ACAP3: variants seen among roughly 807,000 people sequenced by gnomAD.
The protein encoded by ACAP3 is ArfGAP with coiled-coil, ankyrin repeat and PH domains 3.
Under a neutral mutation model 104.1 loss-of-function variants are expected in ACAP3, and 56 were observed. The observed-to-expected ratio is 0.54, with a 90% confidence interval of 0.43 to 0.67. ACAP3 has a LOEUF of 0.67. ACAP3 is among the 30% of genes least tolerant of loss of function. The probability of loss-of-function intolerance (pLI) is 0.00; values close to 1 mark genes in which losing one functional copy is unlikely to be tolerated. For missense variants in ACAP3, 1,208 were observed against 1,174.9 expected (o/e 1.03, Z -0.41); for synonymous variants, 628 against 496.2 (o/e 1.27, Z -3.53).
At position 1,295,472 on chromosome 1, in the gene ACAP3, T is replaced by C; in HGVS notation, c.1788A>G (p.Ala596=). Reference sequence around the variant, plus strand: ...TGCGAGGGCCAGCCCCTGCGGCCCCTGCGTCGAAGTAGGAGAAGAGCGAGT... The same window carrying C: ...TGCGAGGGCCAGCCCCTGCGGCCCCCGCGTCGAAGTAGGAGAAGAGCGAGT... ...ELDSLFSYFD[A]GAAGAGPRSL... The change falls in exon 19 of 24, where the codon GCA becomes GCG. Residue 596 remains alanine (A), a synonymous_variant. Coordinates refer to ENST00000354700, the MANE Select transcript of ACAP3 (RefSeq NM_030649.3). The C allele has an allele frequency of 6.2e-7, 1 of 1,612,492 alleles. No homozygotes were observed. The highest frequency in any genetic ancestry group is 8.5e-7 in the Non-Finnish European group (1 of 1,179,860).
At chr1:1,299,244 T>C in intron 10 of ACAP3, 101 bp downstream of exon 10, 1 of 1,428,482 alleles carries the variant, frequency 7.0e-7, no homozygotes, top group South Asian at 1.2e-5. Context: ...TGGTGGGAGG[T>C]GTCCTTGGTG....
In ACAP3 at chr1:1,293,689, C is replaced by T. The variant is rs1358013103; in HGVS notation, c.2380G>A (p.Ala794Thr). The T allele has an allele frequency of 7.1e-7, 1 of 1,414,378 alleles. No individual in the cohort carries two copies. The allele number at this position is 1,414,378 out of a possible 1,614,324, so 87.6% of individuals were successfully genotyped here. A position where few individuals can be genotyped will look rare whatever the true frequency, so the allele number is the denominator to read the frequency against. ...IVTLLRLARM[A>T]EEMREAEAAP... ...GCCTCGGCCTCGCGCATTTCCTCCG[C>T]CATGCGCGCCAGACGGAGCCTACGG... The change falls in exon 24 of 24, where the codon GCG becomes ACG. Residue 794 changes from alanine to threonine, a missense_variant. Ala to Thr is a moderately conservative substitution (Grantham distance 58). Coordinates refer to ENST00000354700, the MANE Select transcript of ACAP3 (RefSeq NM_030649.3).
Position 1,293,910 on chromosome 1 carries a change from C to T in ACAP3, c.2273G>A (p.Arg758Gln). ...GTCCAGGGCGTGCTGGTCCGCGCCC[C>T]GCTTCAGGAACAGGCAAACCTGGCT... is the stretch of plus-strand genomic sequence containing the variant. Reference protein sequence around the residue: ...RTGQVCLFLKRGADQHALDQE... With the variant: ...RTGQVCLFLKQGADQHALDQE... The change falls in exon 23 of 24, where the codon CGG becomes CAG. Residue 758 changes from arginine (R) to glutamine (Q), a missense_variant. By Grantham distance (43) the Arg-to-Gln change is conservative. Transcript: ENST00000354700. The T allele has an allele frequency of 6.3e-7, 1 of 1,578,932 alleles. No homozygotes were observed.
intron 5 of ACAP3, among the ~76,000 whole-genome samples, chr1:1,301,258 CTTTT>C (rs869238177): frequency 2.8e-5 from 3 of 105,422 alleles, no homozygotes; most frequent in Non-Finnish European, 5.7e-5. Context: ...TTGGGGGTGT[CTTTT>C]TTTTTTTTTT....
chr1:1,298,196 G>C, intron 12 of ACAP3, 83 bp from the exon 13 acceptor site: 1 of 1,561,932 alleles, frequency 6.4e-7, no homozygotes, highest in Non-Finnish European at 8.7e-7. Flanking sequence ...TTGGAGACCC[G>C]GAGGCCGACT....
rs926084579 is a variant in ACAP3, at chr1:1,300,311, G to A, written c.523-109C>T. 2.3e-5 allele frequency: 31 copies of A among 1,375,884 alleles called. 2 individuals are homozygous for A. The South Asian group carries it at 4.0e-4, about 18-fold the overall frequency. 85.2% of individuals were successfully genotyped at this position (1,375,884 alleles called of 1,614,324 possible). On this transcript the variant is annotated intron_variant, in intron 6 of 23. Transcript: ENST00000354700. The stretch of plus-strand genomic sequence containing the variant: ...GCTTGTGGTTCCCTGAGACCCCCAG[G>A]TCGTCTTCAGCTCCCAGCTCTGGGC...
Position 1,298,005 on chromosome 1 carries a change from C to T in ACAP3, c.1016+8G>A. 6.2e-7 allele frequency: 1 copy of T among 1,611,836 alleles called. No homozygotes were observed. The highest frequency in any genetic ancestry group is 8.5e-7 in the Non-Finnish European group (1 of 1,179,538). ...CCCCCCGCCCCACCCTGGGCTGGGC[C>T]TCCTCACTTGGTGGGTGACAGCACC... On this transcript the variant is annotated splice_region_variant and intron_variant, in intron 13 of 23. Transcript: ENST00000354700.
chr1:1,306,813 G>A (rs899183460), intron 1 of ACAP3, among the ~76,000 whole-genome samples: 1 of 152,222 alleles, frequency 6.6e-6, no homozygotes, highest in African/African-American at 2.4e-5. Flanking sequence ...GATGGAACAC[G>A]CGTGTACAAG....
chr1:1,298,326 G>T, intron 12 of ACAP3, 44 bp downstream of exon 12: 1 of 1,604,974 alleles, frequency 6.2e-7, no homozygotes, highest in South Asian at 1.1e-5. Flanking sequence ...GGCCCAGGTG[G>T]GGCGTCCAGC....
At position 1,293,900 on chromosome 1, in the gene ACAP3, G is replaced by T; in HGVS notation, c.2283C>A (p.Asp761Glu). The T allele has an allele frequency of 4.4e-6, 7 of 1,582,430 alleles. No individual in the cohort carries two copies. Among genetic ancestry groups the T allele is most frequent in the Non-Finnish European group, 6.0e-6 (7 of 1,166,896 alleles). Reference protein sequence around the residue: ...QVCLFLKRGADQHALDQEQRD... With the variant: ...QVCLFLKRGAEQHALDQEQRD... ...GCTGCTCTTGGTCCAGGGCGTGCTGGTCCGCGCCCCGCTTCAGGAACAGGC... is the reference window on the plus strand; with the variant it reads ...GCTGCTCTTGGTCCAGGGCGTGCTGTTCCGCGCCCCGCTTCAGGAACAGGC... Residue 761 changes from aspartate to glutamate, a missense_variant, in exon 23 of 24, where the codon GAC becomes GAA. Asp to Glu is a conservative substitution (Grantham distance 45). Transcript: ENST00000354700.
Position 1,298,298 on chromosome 1 carries a change from C to A in ACAP3, c.915+72G>T, listed in dbSNP as rs912490674. On this transcript the variant is annotated intron_variant, in intron 12 of 23. Transcript: ENST00000354700. ...TGCCCCGGCCCTGTGCTAACCCCAA[C>A]TGACCAGTCTGCCCTGTGGCCCAGG... The A allele has an allele frequency of 1.2e-5, 19 of 1,600,356 alleles. 1 individual carries two copies. Among genetic ancestry groups the A allele is most frequent in the Middle Eastern group, 1.7e-4 (1 of 6,020 alleles).
In ACAP3 at chr1:1,300,625, G is replaced by A; in HGVS notation, c.406C>T (p.Leu136=). Residue 136 remains leucine (L), a synonymous_variant, in exon 6 of 24, where the codon CTG becomes TTG. Coordinates refer to ENST00000354700, the MANE Select transcript of ACAP3 (RefSeq NM_030649.3). The part of the protein sequence containing the change: ...DKVREDLELS[L]VRNAQAPRHR... ...CTCGGGGCCTGGGCGTTCCTCACCA[G>A]GGACAGCTCCAGGTCCTCCCGCACC... 1 of 1,609,362 alleles carries A rather than the reference G, an allele frequency of 6.2e-7. No homozygotes were observed. The highest frequency in any genetic ancestry group is 8.5e-7 in the Non-Finnish European group (1 of 1,179,052).
intron 11 of ACAP3, 58 bp downstream of exon 11, chr1:1,298,509 G>T: frequency 1.3e-4 from 33 of 257,522 alleles, no homozygotes; most frequent in Non-Finnish European, 2.2e-4. Flanking sequence ...CCCCACCCCC[G>T]CCTGAGGACC....
Position 1,293,574 on chromosome 1 carries a change from T to G in ACAP3, c.2495A>C (p.Glu832Ala). 6.7e-7 allele frequency: 1 copy of G among 1,486,454 alleles called. No homozygotes were observed. Among genetic ancestry groups the G allele is most frequent in the East Asian group, 2.9e-5 (1 of 34,746 alleles). The allele number at this position is 1,486,454 out of a possible 1,614,324, so 92.1% of individuals were successfully genotyped here. ...CCGGCCTGCCCGGCCCTAGCTCTCT[T>G]CCAGGTGGAGGCTGATGAACTCCTG... ...CIQEFISLHL[E>A]ES The change falls in exon 24 of 24, where the codon GAA becomes GCA. Residue 832 changes from glutamate to alanine, a missense_variant. By Grantham distance (107) the Glu-to-Ala change is moderately radical. Transcript: ENST00000354700.
chr1:1,306,047 G>C (rs1188086649), intron 1 of ACAP3: 1 of 152,338 alleles, frequency 6.6e-6, no homozygotes, highest in African/African-American at 2.4e-5. Context: ...TCGAACCCCA[G>C]TTAAATCACA....
chr1:1,300,635 C>T lies in ACAP3; in HGVS notation c.396G>A (p.Leu132=). 2 of 1,609,538 alleles carry T rather than the reference C, an allele frequency of 1.2e-6. No homozygotes were observed. Among genetic ancestry groups the T allele is most frequent in the South Asian group, 1.1e-5 (1 of 90,404 alleles). The change falls in exon 6 of 24, where the codon CTG becomes CTA. Residue 132 remains leucine, a synonymous_variant. Coordinates refer to ENST00000354700, the MANE Select transcript of ACAP3 (RefSeq NM_030649.3). Reference sequence around the variant, plus strand: ...GGGCGTTCCTCACCAGGGACAGCTCCAGGTCCTCCCGCACCTTGTCAAACT... The same window carrying T: ...GGGCGTTCCTCACCAGGGACAGCTCTAGGTCCTCCCGCACCTTGTCAAACT... ...KKQFDKVRED[L]ELSLVRNAQA... is the part of the protein sequence containing the mutation.
At chr1:1,296,148 T>A (rs1641135829) in intron 16 of ACAP3, 39 bp from the exon 17 acceptor site, 1 of 1,610,380 alleles carries the variant, frequency 6.2e-7, no homozygotes, top group African/African-American at 1.3e-5. Flanking sequence ...AGTGCGAACC[T>A]GCAGACCCCA....
chr1:1,295,411 T>C (rs1641082195), intron 19 of ACAP3, 36 bp downstream of exon 19: 1 of 1,592,858 alleles, frequency 6.3e-7, no homozygotes, highest in Non-Finnish European at 8.6e-7. Flanking sequence ...TCCTTGGCCC[T>C]GCCCTGCCAC....
In ACAP3 at chr1:1,298,390, C is replaced by A; in HGVS notation, c.895G>T (p.Val299Phe). The A allele has an allele frequency of 6.2e-7, 1 of 1,603,436 alleles. No individual in the cohort carries two copies. Among genetic ancestry groups the A allele is most frequent in the South Asian group, 1.1e-5 (1 of 90,188 alleles). Residue 299 changes from valine (V) to phenylalanine (F), a missense_variant, in exon 12 of 24, where the codon GTC becomes TTC. Transcript: ENST00000354700. ...CACACCTTGAGCTTCTTCTGGTAGA[C>A]CAGCTGGCTGTTCTGAATGGAGAAC... ...RWFSIQNSQLVYQKKLKDALT... is the reference protein window; with the variant it reads ...RWFSIQNSQLFYQKKLKDALT...
Sources: gnomAD v4.1 joint callset for allele counts (sites outside exome capture counted in the v4.1 genomes callset) on GRCh38, gnomAD v4.1.1 for gene constraint, MANE v1.5 for transcripts, NCBI Gene and HGNC (gene_info 2026-07-23, HGNC 2026-07-21) for gene names.